PLCB2: variants seen among roughly 807,000 people sequenced by gnomAD.
The protein encoded by PLCB2 is 1-phosphatidylinositol 4,5-bisphosphate phosphodiesterase beta-2.
A neutral mutation model predicts 141.7 loss-of-function variants in PLCB2; 115 were observed. The ratio of observed to expected loss-of-function variants is 0.81; its 90% CI spans 0.70 to 0.95. PLCB2 has a LOEUF of 0.95. PLCB2 is among the 40% of genes least tolerant of loss of function. The pLI is 0.00. For synonymous variants in PLCB2, 603 were observed against 595.6 expected, an observed-to-expected ratio of 1.01 and a Z score of -0.18; for missense variants, 1,403 against 1,541.1, an observed-to-expected ratio of 0.91 and a Z score of 1.50.
chr15:40,300,497 C>A (rs1389280742), intron 7 of PLCB2, among the ~76,000 whole-genome samples: 2 of 151,916 alleles, frequency 1.3e-5, no homozygotes, highest in African/African-American at 2.4e-5. Flanking sequence ...CCAAAAAGTA[C>A]AAAAAACCCA....
At chr15:40,301,782 G>A (rs2040522430) in intron 7 of PLCB2, 175 bp downstream of exon 7, 3 of 700,942 alleles carry the variant, frequency 4.3e-6, no homozygotes, top group African/African-American at 3.5e-5. Flanking sequence ...CCTTGCCCTG[G>A]CTCCACCCCT....
chr15:40,292,106 C>G lies in PLCB2; in HGVS notation c.2484G>C (p.Thr828=). 6.2e-7 allele frequency: 1 copy of G among 1,614,212 alleles called. No individual in the cohort carries two copies. The highest frequency in any genetic ancestry group is 8.5e-7 in the Non-Finnish European group (1 of 1,180,038). ...NPIKFFSAHD[T]KSVKLKEAMG... is the part of the protein sequence containing the mutation. ...TGGCCTCCTTGAGCTTCACAGACTTCGTGTCATGGGCACTGAAGAACTTAA... is the reference window on the plus strand; with the variant it reads ...TGGCCTCCTTGAGCTTCACAGACTTGGTGTCATGGGCACTGAAGAACTTAA... The change falls in exon 23 of 32, where the codon ACG becomes ACC. Residue 828 remains threonine (T), a synonymous_variant. Transcript: ENST00000260402.
At chr15:40,289,950 AGAGAGAGAGAGAGAGAGAGTGTGTGTGT>A (rs1416147774) in intron 30 of PLCB2, 47 bp downstream of exon 30, 5 of 394,750 alleles carry the variant, frequency 1.3e-5, no homozygotes, top group African/African-American at 2.6e-5. Context: ...AGAGAGAGAG[AGAGAGAGAGAGAGAGAGAGTGTGTGTGT>A]GTGTGTGTGT....
chr15:40,294,076 G>A (rs2040072682), intron 19 of PLCB2, among the ~76,000 whole-genome samples, 190 bp downstream of exon 19: 1 of 152,196 alleles, frequency 6.6e-6, no homozygotes, highest in African/African-American at 2.4e-5. Context: ...TTTCCATGGG[G>A]ACCAAGTGGC....
chr15:40,288,508 T>C lies in PLCB2; in HGVS notation c.*207A>G. 4.6e-6 allele frequency: 6 copies of C among 1,303,084 alleles called. No individual in the cohort carries two copies. Among genetic ancestry groups the C allele is most frequent in the Non-Finnish European group, 5.8e-6 (6 of 1,025,652 alleles). 80.7% of individuals were successfully genotyped at this position (1,303,084 alleles called of 1,614,324 possible). ...TAGGAAGTCAGCTTGAGAAGACTTCTAGGCCCCAGAGAGGCCCTGCCGTGA... is the reference window on the plus strand; with the variant it reads ...TAGGAAGTCAGCTTGAGAAGACTTCCAGGCCCCAGAGAGGCCCTGCCGTGA... On this transcript the variant is annotated 3_prime_UTR_variant, in exon 32 of 32. Transcript: ENST00000260402.
chr15:40,293,455 G>A (rs1368198944), intron 20 of PLCB2, 105 bp downstream of exon 20: 8 of 1,070,614 alleles, frequency 7.5e-6, no homozygotes, highest in South Asian at 6.1e-5. Context: ...GGGATGGGAA[G>A]AGGAGGAGGA....
At chr15:40,302,088 A>G (rs1298057154) in intron 6 of PLCB2, 48 bp downstream of exon 6, 2 of 1,613,570 alleles carry the variant, frequency 1.2e-6, no homozygotes, top group African/African-American at 2.7e-5. Flanking sequence ...TGAGAAAGAA[A>G]GGCTTTGGGG....
At chr15:40,299,059 G>A in intron 8 of PLCB2, 69 bp downstream of exon 8, 1 of 1,568,726 alleles carries the variant, frequency 6.4e-7, no homozygotes, top group Non-Finnish European at 8.8e-7. Context: ...CTCCCGGCAT[G>A]GCAGGTGGGA....
At chr15:40,299,402 A>G (rs1307712419) in intron 7 of PLCB2, 174 bp from the exon 8 acceptor site, 2 of 568,006 alleles carry the variant, frequency 3.5e-6, no homozygotes, top group Non-Finnish European at 3.2e-6. Context: ...CTGAGCAGAG[A>G]GCATGCTTAG....
intron 31 of PLCB2, 155 bp downstream of exon 31, chr15:40,289,117 C>A: frequency 1.0e-6 from 1 of 995,364 alleles, no homozygotes; most frequent in Non-Finnish European, 1.5e-6. Flanking sequence ...CGGAGATCTG[C>A]AGAGCTGCCT....
chr15:40,295,038 G>A lies in PLCB2; in HGVS notation c.1804C>T (p.Arg602Cys), dbSNP rs754629737. Residue 602 changes from arginine (R) to cysteine (C), a missense_variant, in exon 18 of 32, where the codon CGC becomes TGC. Physicochemically the swap from Arg to Cys is radical, Grantham distance 180. Around this residue, in one of 4 missense-constraint regions of PLCB2, gnomAD observed 975 missense variants for 1,141.1 expected, o/e 0.85. Coordinates refer to ENST00000260402, the MANE Select transcript of PLCB2 (RefSeq NM_004573.3). ...FVDYNKRQMSRIYPKGTRMDS... is the reference protein window; with the variant it reads ...FVDYNKRQMSCIYPKGTRMDS... Reference sequence around the variant, plus strand: ...ATGCGGGTTCCCTTGGGGTAAATGCGGCTCATCTGGCGCTTGTTGTAGCTG... The same window carrying A: ...ATGCGGGTTCCCTTGGGGTAAATGCAGCTCATCTGGCGCTTGTTGTAGCTG... 7 of 1,613,208 alleles carry A rather than the reference G, an allele frequency of 4.3e-6. No homozygotes were observed. The highest frequency in any genetic ancestry group is 2.2e-5 in the East Asian group (1 of 44,870).
chr15:40,298,937 C>T lies in PLCB2; in HGVS notation c.711G>A (p.Thr237=), dbSNP rs777100325. ...TGATGAATTTGGTCAGGTGCTCCTTCGTCATGTAGGGTTTGGCCTTAGCAT... is the reference window on the plus strand; with the variant it reads ...TGATGAATTTGGTCAGGTGCTCCTTTGTCATGTAGGGTTTGGCCTTAGCAT... ...SYHAKAKPYM[T]KEHLTKFINQ... The change falls in exon 9 of 32, where the codon ACG becomes ACA. Residue 237 remains threonine (T), a synonymous_variant. Transcript: ENST00000260402. 5.0e-6 allele frequency: 8 copies of T among 1,607,448 alleles called. No individual in the cohort carries two copies. The East Asian group carries it at 6.7e-5, about 13-fold the overall frequency.
At position 40,292,452 on chromosome 15, in the gene PLCB2, C is replaced by A; in HGVS notation, c.2327-9G>T. ...GCACAGGTGGTGGTACCCTGTGAGA[C>A]AGGACAGGGTAGGCAGTGAGCCAGA... On this transcript the variant is annotated splice_polypyrimidine_tract_variant and intron_variant, in intron 21 of 31. Coordinates refer to ENST00000260402, the MANE Select transcript of PLCB2 (RefSeq NM_004573.3). 2 of 1,592,614 alleles carry A rather than the reference C, an allele frequency of 1.3e-6. No individual in the cohort carries two copies. Among genetic ancestry groups the A allele is most frequent in the African/African-American group, 1.3e-5 (1 of 74,620 alleles).
downstream of PLCB2, chr15:40,284,368 A>G (rs904243632): frequency 2.7e-6 from 1 of 363,712 alleles, no homozygotes. Flanking sequence ...CCACCTCTTA[A>G]GAAGACAACA....
In PLCB2 at chr15:40,294,406, G is replaced by A; in HGVS notation, c.1921C>T (p.Gln641Ter). ...TTGAACTCAAATACTGCCATGTTCT[G>A]CTGCATGGGCAAGTCTGGAGGGACA... ...NFQTMDLPMQ[Q>*]NMAVFEFNGQ... is the part of the protein sequence containing the mutation. The change falls in exon 19 of 32, where the codon CAG becomes TAG. Residue 641 changes from glutamine to a stop codon, truncating the protein, a stop_gained. Coordinates refer to ENST00000260402, the MANE Select transcript of PLCB2 (RefSeq NM_004573.3). LOFTEE classifies it high-confidence loss of function. 2 of 1,614,156 alleles carry A rather than the reference G, an allele frequency of 1.2e-6. No individual in the cohort carries two copies. Among genetic ancestry groups the A allele is most frequent in the Non-Finnish European group, 1.7e-6 (2 of 1,180,014 alleles).
intron 7 of PLCB2, among the ~76,000 whole-genome samples, chr15:40,299,679 T>C (rs1345646246): frequency 6.6e-6 from 1 of 152,120 alleles, no homozygotes; most frequent in Non-Finnish European, 1.5e-5. Context: ...AACAATAATA[T>C]TTGGAGACAC....
At chr15:40,294,777 A>C (rs1350162801) in intron 18 of PLCB2, among the ~76,000 whole-genome samples, 159 bp downstream of exon 18, 1 of 152,138 alleles carries the variant, frequency 6.6e-6, no homozygotes, top group African/African-American at 2.4e-5. Context: ...GCACAGGCTA[A>C]TGCATTTCTA....
At chr15:40,289,445 G>T in intron 30 of PLCB2, 87 bp from the exon 31 acceptor site, 1 of 989,440 alleles carries the variant, frequency 1.0e-6, no homozygotes, top group South Asian at 1.3e-5. Context: ...CTAACTAGTT[G>T]TAAGACTTTG....
intron 19 of PLCB2, 27 bp downstream of exon 19, chr15:40,294,239 G>T (rs376627591): frequency 2.3e-5 from 37 of 1,611,280 alleles, no homozygotes; most frequent in Non-Finnish European, 3.0e-5. Flanking sequence ...TCAGCCTCCC[G>T]GCCACTTGTG....
Sources: allele counts gnomAD v4.1 joint callset (sites outside exome capture counted in the v4.1 genomes callset), GRCh38; gene constraint gnomAD v4.1.1; regional missense constraint gnomAD v4.1.1; transcripts MANE v1.5; gene names NCBI Gene and HGNC (gene_info 2026-07-23, HGNC 2026-07-21).